The following RNLS variants were observed in gnomAD, a reference collection of about 807,000 sequenced individuals.
The protein encoded by RNLS is renalase.
RNLS carries 39 observed loss-of-function variants against 39.8 expected under a neutral mutation model. The observed-to-expected ratio is 0.98, with a 90% CI of 0.76 to 1.28. The LOEUF is 1.28. Ranked by LOEUF, RNLS falls within the 50% of genes most tolerant of loss-of-function variation. The pLI is 0.00. For missense variants in RNLS, 410 were observed against 413.3 expected, an observed-to-expected ratio of 0.99 and a Z score of 0.07; for synonymous variants, 147 against 150.7, an observed-to-expected ratio of 0.98 and a Z score of 0.18.
At chr10:88,400,452 CTT>C (rs540411433) in intron 4 of RNLS, among the ~76,000 whole-genome samples, 11 of 151,994 alleles carry the variant, frequency 7.2e-5, no homozygotes, top group Non-Finnish European at 1.5e-4. Context: ...ACTCTTTCCT[CTT>C]TGTCACACTT....
At chr10:88,212,809 T>G in the RNLS span, among the ~76,000 whole-genome samples, 1 of 152,214 alleles carries the variant, frequency 6.6e-6, no homozygotes, top group Non-Finnish European at 1.5e-5. Flanking sequence ...GTTGGCTGTC[T>G]GTAGTTGGCA....
downstream of RNLS, among the ~76,000 whole-genome samples, chr10:88,279,446 C>A (rs1283554632): frequency 6.6e-6 from 1 of 152,110 alleles, no homozygotes; most frequent in Non-Finnish European, 1.5e-5. Flanking sequence ...ATTGTATCCA[C>A]ATTTCATAGA....
intron 4 of RNLS, among the ~76,000 whole-genome samples, chr10:88,449,473 G>T (rs1027144878): frequency 2.0e-5 from 3 of 152,144 alleles, no homozygotes; most frequent in African/African-American, 7.2e-5. Context: ...TTAATTTATA[G>T]CCTTCTCCTC....
intron 4 of RNLS, among the ~76,000 whole-genome samples, chr10:88,416,489 G>C (rs1175511808): frequency 6.6e-6 from 1 of 152,092 alleles, no homozygotes; most frequent in Admixed American, 6.6e-5. Context: ...CAGACCTCAG[G>C]TGATCCTCCC....
chr10:88,324,416 T>G (rs2133114374), intron 5 of RNLS, among the ~76,000 whole-genome samples: 1 of 144,276 alleles, frequency 6.9e-6, no homozygotes, highest in Non-Finnish European at 1.5e-5. Flanking sequence ...AAAACGAAAT[T>G]GTGTCCTTTG....
intron 4 of RNLS, among the ~76,000 whole-genome samples, chr10:88,548,261 C>CAAAAGA (rs1414175164): frequency 3.1e-5 from 1 of 32,408 alleles, no homozygotes; most frequent in African/African-American, 2.0e-4. Context: ...GACTCCGTCT[C>CAAAAGA]AAAAAAAAAA....
chr10:88,213,426 C>G, the RNLS span, among the ~76,000 whole-genome samples: 1 of 151,906 alleles, frequency 6.6e-6, no homozygotes, highest in Admixed American at 6.6e-5. Flanking sequence ...TTTGGGAAAA[C>G]TTCTCAAATA....
chr10:88,489,313 A>G (rs879695740), intron 4 of RNLS, among the ~76,000 whole-genome samples: 1 of 152,152 alleles, frequency 6.6e-6, no homozygotes, highest in Admixed American at 6.6e-5. Context: ...ATTGCTTCTG[A>G]GAGGACTGCT....
chr10:88,362,954 A>T (rs1849756932), intron 4 of RNLS, among the ~76,000 whole-genome samples: 1 of 152,214 alleles, frequency 6.6e-6, no homozygotes, highest in Admixed American at 6.5e-5. Flanking sequence ...CATTCTTTGG[A>T]ATGGCGTTCA....
intron 5 of RNLS, among the ~76,000 whole-genome samples, chr10:88,354,624 C>A (rs1849004162): frequency 6.6e-6 from 1 of 152,138 alleles, no homozygotes; most frequent in South Asian, 2.1e-4. Context: ...GTAACCGGAC[C>A]TTTCTCTCTG....
chr10:88,218,378 T>C, the RNLS span, among the ~76,000 whole-genome samples: 1 of 152,120 alleles, frequency 6.6e-6, no homozygotes, highest in Non-Finnish European at 1.5e-5. Flanking sequence ...AATCCCCCTT[T>C]TCCACAATGG....
At chr10:88,497,527 G>A (rs1231350157) in intron 4 of RNLS, among the ~76,000 whole-genome samples, 3 of 151,942 alleles carry the variant, frequency 2.0e-5, no homozygotes, top group Non-Finnish European at 4.4e-5. Flanking sequence ...AAATAACAGA[G>A]TTGGAAAATA....
At chr10:88,214,421 G>A in the RNLS span, among the ~76,000 whole-genome samples, 536 of 146,832 alleles carry the variant, frequency 3.7e-3, 10 homozygotes, top group Admixed American at 0.021. Flanking sequence ...ATCTGACCCT[G>A]TAAATTCATT....
intron 5 of RNLS, among the ~76,000 whole-genome samples, chr10:88,355,796 C>A (rs563121207): frequency 7.9e-5 from 12 of 152,342 alleles, no homozygotes; most frequent in African/African-American, 2.6e-4. Flanking sequence ...TTTGGCTATG[C>A]CCTGCCCCCA....
intron 5 of RNLS, among the ~76,000 whole-genome samples, chr10:88,352,459 C>A (rs1086832): frequency 0.84 from 127,268 of 152,200 alleles, 53,363 homozygotes; most frequent in African/African-American, 0.88. Flanking sequence ...TGAGATAATC[C>A]TGTGGCTTTT....
chr10:88,297,023 A>G (rs1198950802), intron 6 of RNLS, among the ~76,000 whole-genome samples: 1 of 152,200 alleles, frequency 6.6e-6, no homozygotes, highest in East Asian at 1.9e-4. Context: ...ATGGATGTGT[A>G]ATATTTACCC....
chr10:88,344,727 A>G (rs1848193027), intron 5 of RNLS, among the ~76,000 whole-genome samples: 1 of 152,176 alleles, frequency 6.6e-6, no homozygotes, highest in South Asian at 2.1e-4. Flanking sequence ...TTCACTTGCT[A>G]TATTTATAAT....
chr10:88,402,693 A>T (rs892667242), intron 4 of RNLS, among the ~76,000 whole-genome samples: 2 of 151,998 alleles, frequency 1.3e-5, no homozygotes, highest in Non-Finnish European at 2.9e-5. Context: ...AAAAGATGAC[A>T]TTCTATTTTA....
chr10:88,573,172 G>A (rs767149059), intron 3 of RNLS, 111 bp from the exon 4 acceptor site: 6 of 895,532 alleles, frequency 6.7e-6, no homozygotes, highest in Non-Finnish European at 1.0e-5. Flanking sequence ...GGCCAAGACT[G>A]TCTTCTACTG....
Sources: allele counts gnomAD v4.1 joint callset (sites outside exome capture counted in the v4.1 genomes callset), GRCh38; gene constraint gnomAD v4.1.1; transcripts MANE v1.5; gene names NCBI Gene and HGNC (gene_info 2026-07-23, HGNC 2026-07-21).